Variants in ADAM9 observed in about 807,000 individuals in gnomAD.
The protein encoded by ADAM9 is ADAM metallopeptidase domain 9, also known as disintegrin and metalloproteinase domain-containing protein 9.
A neutral mutation model predicts 108.1 loss-of-function variants in ADAM9; 54 were observed. That is an observed-to-expected ratio of 0.50 (90% CI 0.40 to 0.63). The LOEUF (loss-of-function observed/expected upper bound fraction) is 0.63, where lower values mean the gene tolerates loss of function less well. Ranked by LOEUF, ADAM9 falls within the 20% of genes least tolerant of loss-of-function variation. The pLI is 0.00. For synonymous variants in ADAM9, 316 were observed against 336.0 expected (o/e 0.94, Z 0.65); for missense variants, 830 against 997.7 (o/e 0.83, Z 2.26).
At chr8:39,077,172 CTTTTG>C (rs1838873871) in intron 15 of ADAM9, 51 bp from the exon 16 acceptor site, 1 of 1,587,776 alleles carries the variant, frequency 6.3e-7, no homozygotes, top group African/African-American at 1.3e-5. Flanking sequence ...TAAATTTTTT[CTTTTG>C]TTATGTATAC....
intron 14 of ADAM9, among the ~76,000 whole-genome samples, chr8:39,057,484 T>C (rs1564324763): frequency 8.1e-6 from 1 of 124,074 alleles, no homozygotes; most frequent in Non-Finnish European, 1.8e-5. Flanking sequence ...AGCCCATATA[T>C]GAATTGGCTT....
intron 14 of ADAM9, among the ~76,000 whole-genome samples, chr8:39,056,584 C>A (rs1838131127): frequency 6.6e-6 from 1 of 152,068 alleles, no homozygotes; most frequent in Non-Finnish European, 1.5e-5. Context: ...GTATAATGGC[C>A]ACATTAATGC....
chr8:39,041,288 C>T (rs7818363), intron 11 of ADAM9, among the ~76,000 whole-genome samples: 1 of 151,920 alleles, frequency 6.6e-6, no homozygotes, highest in Non-Finnish European at 1.5e-5. Context: ...TCTCACATAG[C>T]TCAAGTTGGA....
rs557775483 is a variant in ADAM9, at chr8:39,027,917, T to A, written c.1130+1107T>A. 4.2e-4 allele frequency among the ~76,000 whole-genome samples: 63 copies of A among 151,622 alleles called. 1 individual carries two copies. In the South Asian group the frequency reaches 6.5e-3, roughly 16 times the overall value. ...GACCCTGTCTCTAAAAAAAAATAAA[T>A]AAATAAATAAAAAATAAAATATTAA... On this transcript the variant is annotated intron_variant, in intron 11 of 21. Coordinates refer to ENST00000487273, the MANE Select transcript of ADAM9 (RefSeq NM_003816.3).
intron 11 of ADAM9, among the ~76,000 whole-genome samples, chr8:39,033,798 G>C (rs1837179471): frequency 6.6e-6 from 1 of 151,996 alleles, no homozygotes; most frequent in African/African-American, 2.4e-5. Flanking sequence ...TACAGCATTT[G>C]GGTTTAAATC....
Position 39,091,252 on chromosome 8 carries a change from C to G in ADAM9, c.2211-7C>G, listed in dbSNP as rs202141466. 2 of 1,612,884 alleles carry G rather than the reference C, an allele frequency of 1.2e-6. No individual in the cohort carries two copies. The highest frequency in any genetic ancestry group is 2.7e-5 in the African/African-American group (2 of 75,006). On this transcript the variant is annotated splice_polypyrimidine_tract_variant and splice_region_variant and intron_variant, in intron 19 of 21. Transcript: ENST00000487273. ...TAATTTAGATCAAAAGTAATTGTAT[C>G]TTTCAGGTCAGATGGCAAAAATCAA...
intron 11 of ADAM9, among the ~76,000 whole-genome samples, chr8:39,034,680 C>A (rs1837211459): frequency 6.6e-6 from 1 of 152,060 alleles, no homozygotes; most frequent in African/African-American, 2.4e-5. Context: ...TATTTTTCAT[C>A]ATATTGGGAT....
chr8:39,086,129 C>CTCAG, intron 18 of ADAM9, among the ~76,000 whole-genome samples: 1 of 152,210 alleles, frequency 6.6e-6, no homozygotes, highest in African/African-American at 2.4e-5. Context: ...ATTCTTATGC[C>CTCAG]TCAGCCTCCT....
chr8:39,035,482 G>A (rs2129435458), intron 11 of ADAM9, among the ~76,000 whole-genome samples: 1 of 152,120 alleles, frequency 6.6e-6, no homozygotes, highest in Admixed American at 6.6e-5. Context: ...GCTTCATGTG[G>A]TATTTTATAT....
chr8:39,091,484 T>C, intron 20 of ADAM9, 138 bp downstream of exon 20: 1 of 824,658 alleles, frequency 1.2e-6, no homozygotes, highest in Non-Finnish European at 1.9e-6. Flanking sequence ...AGGTGGTCCC[T>C]GAGTTTTTTG....
At chr8:39,012,911 G>A (rs62504419) in intron 3 of ADAM9, among the ~76,000 whole-genome samples, 7 of 152,062 alleles carry the variant, frequency 4.6e-5, no homozygotes, top group Non-Finnish European at 7.3e-5. Context: ...AAACCTGCAC[G>A]TTGTACACAT....
Position 39,104,622 on chromosome 8 carries a change from A to G in ADAM9, c.*922A>G, listed in dbSNP as rs1177511385. ...GAGCACTTTAAAATCTGAACTTTCA[A>G]AGCTTGCTATTAAATCATTTAGAAT... On this transcript the variant is annotated 3_prime_UTR_variant, in exon 22 of 22. Transcript: ENST00000487273. The G allele has an allele frequency of 2.3e-6, 1 of 433,554 alleles. No homozygotes were observed. The highest frequency in any genetic ancestry group is 2.6e-5 in the Admixed American group (1 of 38,020). 26.9% of individuals were successfully genotyped at this position (433,554 alleles called of 1,614,324 possible). A position where few individuals can be genotyped will look rare whatever the true frequency, so the allele number is the denominator to read the frequency against.
At position 39,071,401 on chromosome 8, in the gene ADAM9, T is replaced by C. The variant is rs551457717; in HGVS notation, c.1695T>C (p.Thr565=). 16 of 1,610,594 alleles carry C rather than the reference T, an allele frequency of 9.9e-6. No individual in the cohort carries two copies. The African/African-American group carries it at 1.9e-4, about 19-fold the overall frequency. Residue 565 remains threonine, a splice_region_variant and synonymous_variant, in exon 15 of 22, where the codon ACT becomes ACC. Coordinates refer to ENST00000487273, the MANE Select transcript of ADAM9 (RefSeq NM_003816.3). ...FSGNEYKKCA[T]GNALCGKLQC... The stretch of plus-strand genomic sequence containing the variant: ...GCAATGAATACAAGAAGTGTGCCAC[T>C]GGGTAAGTGGAGGTGCGGTCATAAT...
rs1195646624 is a variant in ADAM9 at position 39,105,072 on chromosome 8, TAAA to T, written c.*1375_*1377del. The stretch of plus-strand genomic sequence containing the variant: ...TTAATTAAAAAGTTATAATTTTAGA[TAAA>T]AATTCTAGTCAAATTTTTACAGATA... On this transcript the variant is annotated 3_prime_UTR_variant, in exon 22 of 22. Transcript: ENST00000487273. The T allele has an allele frequency of 2.5e-5, 10 of 404,700 alleles. 1 individual carries two copies. Among genetic ancestry groups the T allele is most frequent in the South Asian group, 5.6e-5 (3 of 53,916 alleles). The allele number at this position is 404,700 out of a possible 1,614,324, so 25.1% of individuals were successfully genotyped here. A position where few individuals can be genotyped will look rare whatever the true frequency, so the allele number is the denominator to read the frequency against.
In ADAM9 at chr8:39,062,893, C is replaced by A. The variant is rs1410062833; in HGVS notation, c.1591+7121C>A. On this transcript the variant is annotated intron_variant, in intron 14 of 21. Coordinates refer to ENST00000487273, the MANE Select transcript of ADAM9 (RefSeq NM_003816.3). ...TCGACTCAAACATTTTAGTCTCCCT[C>A]AGACTTTGAATCCCTTTCTCTGCAT... 3.9e-5 allele frequency among the ~76,000 whole-genome samples: 6 copies of A among 152,182 alleles called. No individual in the cohort carries two copies. The East Asian group carries it at 1.2e-3, about 29-fold the overall frequency.
chr8:38,999,217 C>T (rs145609761), intron 1 of ADAM9, among the ~76,000 whole-genome samples: 2 of 151,968 alleles, frequency 1.3e-5, no homozygotes, highest in African/African-American at 4.8e-5. Context: ...ACCAGGCACA[C>T]GTCAGTTACA....
chr8:39,009,542 T>C (rs938313006), intron 2 of ADAM9, among the ~76,000 whole-genome samples: 2 of 152,212 alleles, frequency 1.3e-5, no homozygotes, highest in African/African-American at 4.8e-5. Context: ...TTTCCTCCTT[T>C]TCTACAGTCA....
chr8:39,004,507 G>C (rs2129431556), intron 1 of ADAM9, among the ~76,000 whole-genome samples: 1 of 152,312 alleles, frequency 6.6e-6, no homozygotes, highest in Non-Finnish European at 1.5e-5. Flanking sequence ...GAGCTACCAT[G>C]CCTGGCCAGC....
chr8:39,091,035 C>A (rs111969273), intron 19 of ADAM9, among the ~76,000 whole-genome samples: 1 of 152,264 alleles, frequency 6.6e-6, no homozygotes, highest in African/African-American at 2.4e-5. Context: ...CTTAAAATTT[C>A]AGTTTAATTA....
Sources: allele counts gnomAD v4.1 joint callset (sites outside exome capture counted in the v4.1 genomes callset), GRCh38; gene constraint gnomAD v4.1.1; transcripts MANE v1.5; gene names NCBI Gene and HGNC (gene_info 2026-07-23, HGNC 2026-07-21).